Variants in NBPF15 observed in about 807,000 individuals in gnomAD.
The protein encoded by NBPF15 is NBPF member 15.
NBPF15 carries 74 observed loss-of-function variants against 62.2 expected under a neutral mutation model. That is an observed-to-expected ratio of 1.19 (90% CI 0.99 to 1.44). The LOEUF is 1.44. NBPF15 is among the 40% of genes most tolerant of loss of function. NBPF15 has a pLI of 0.00. For synonymous variants in NBPF15, 244 were observed against 209.7 expected, an observed-to-expected ratio of 1.16 and a Z score of -1.41; for missense variants, 790 against 550.0, an observed-to-expected ratio of 1.44 and a Z score of -4.36.
At chr1:144,425,199 A>G (rs1668886782) in intron 19 of NBPF15, among the ~76,000 whole-genome samples, 1 of 131,884 alleles carries the variant, frequency 7.6e-6, no homozygotes, top group Admixed American at 7.6e-5. Flanking sequence ...TAGTGCCCTC[A>G]GGACACACAG....
chr1:144,423,227 T>A lies in NBPF15; in HGVS notation c.1799A>T (p.Glu600Val), dbSNP rs782757337. ...CAGTGAGTCCTGTAAGACTTCAGGCTCTTCCACTTCCATCAGCACGCCGTA... is the reference window on the plus strand; with the variant it reads ...CAGTGAGTCCTGTAAGACTTCAGGCACTTCCACTTCCATCAGCACGCCGTA... ...RLYGVLMEVE[E>V]PEVLQDSLDR... Residue 600 changes from glutamate to valine, a missense_variant, in exon 22 of 22, where the codon GAG becomes GTG. Transcript: ENST00000581897. 2 of 1,611,538 alleles carry A rather than the reference T, an allele frequency of 1.2e-6. No homozygotes were observed. Among genetic ancestry groups the A allele is most frequent in the South Asian group, 1.1e-5 (1 of 90,962 alleles).
chr1:144,455,361 A>G (rs587631145), intron 4 of NBPF15, among the ~76,000 whole-genome samples: 2 of 152,122 alleles, frequency 1.3e-5, no homozygotes, highest in East Asian at 3.9e-4. Context: ...CACCACCAGT[A>G]TTTCCCATTA....
chr1:144,450,582 C>T (rs1553545240), intron 5 of NBPF15, among the ~76,000 whole-genome samples, 190 bp downstream of exon 5: 1 of 150,590 alleles, frequency 6.6e-6, no homozygotes, highest in East Asian at 1.9e-4. Context: ...CCGGCCACTT[C>T]ATTCCAGACT....
At position 144,439,216 on chromosome 1, in the gene NBPF15, T is replaced by A. The variant is rs1681017569; in HGVS notation, c.175+613A>T. On this transcript the variant is annotated intron_variant, in intron 8 of 21. Transcript: ENST00000581897. Reference sequence around the variant, plus strand: ...CCAGGCTGGTCTCAAACTCCTGACCTCATGATCTGCCCGCCTCAGCCTCCC... The same window carrying A: ...CCAGGCTGGTCTCAAACTCCTGACCACATGATCTGCCCGCCTCAGCCTCCC... Among the ~76,000 whole-genome samples, 2 of 151,792 alleles carry A rather than the reference T, an allele frequency of 1.3e-5. 1 individual carries two copies. Among genetic ancestry groups the A allele is most frequent in the African/African-American group, 4.8e-5 (2 of 41,262 alleles).
chr1:144,442,859 G>T (rs587634588), intron 6 of NBPF15: 7 of 210,844 alleles, frequency 3.3e-5, no homozygotes, highest in African/African-American at 1.4e-4. Flanking sequence ...CATATGAAGA[G>T]CATCGGTGGA....
chr1:144,438,438 A>T (rs1234970192), intron 8 of NBPF15, among the ~76,000 whole-genome samples: 4 of 151,996 alleles, frequency 2.6e-5, no homozygotes, highest in Non-Finnish European at 5.9e-5. Flanking sequence ...GGCCCCTAGG[A>T]CTATGGGACT....
chr1:144,434,767 G>A (rs1676967514), intron 12 of NBPF15, among the ~76,000 whole-genome samples: 1 of 151,868 alleles, frequency 6.6e-6, no homozygotes, highest in Non-Finnish European at 1.5e-5. Context: ...CCTTAAACAG[G>A]CATAGAAACT....
At chr1:144,453,462 GA>G (rs1247981399) in intron 4 of NBPF15, among the ~76,000 whole-genome samples, 7 of 149,560 alleles carry the variant, frequency 4.7e-5, no homozygotes, top group Middle Eastern at 3.5e-3. Flanking sequence ...ATCTACTAAT[GA>G]AAAAAAAATT....
chr1:144,437,198 C>T (rs1227745358), intron 9 of NBPF15, 89 bp from the exon 10 acceptor site: 7 of 1,270,012 alleles, frequency 5.5e-6, no homozygotes, highest in Middle Eastern at 5.3e-4. Flanking sequence ...AGACAATGTC[C>T]TCAAGGAGAC....
intron 15 of NBPF15, among the ~76,000 whole-genome samples, chr1:144,428,351 A>C (rs1271832358): frequency 6.6e-6 from 1 of 151,960 alleles, no homozygotes; most frequent in Non-Finnish European, 1.5e-5. Context: ...AATGTGCTCA[A>C]GTTTCCCTGC....
intron 1 of NBPF15, among the ~76,000 whole-genome samples, 156 bp downstream of exon 1, chr1:144,461,225 G>C (rs587662564): frequency 6.6e-6 from 1 of 152,164 alleles, no homozygotes; most frequent in Non-Finnish European, 1.5e-5. Context: ...GGCGGCAGCG[G>C]CAAGCGAGGA....
chr1:144,428,065 C>T (rs1161841455), intron 15 of NBPF15, 75 bp from the exon 16 acceptor site: 17 of 783,232 alleles, frequency 2.2e-5, no homozygotes, highest in African/African-American at 8.5e-5. Flanking sequence ...GATTTCATGG[C>T]TAACATAAGG....
In NBPF15 at chr1:144,427,063, C is replaced by T. The variant is rs1670269946; in HGVS notation, c.1249G>A (p.Asp417Asn). The change falls in exon 17 of 22, where the codon GAC becomes AAC. Residue 417 changes from aspartate to asparagine, a missense_variant. Asp to Asn is a conservative substitution (Grantham distance 23). Coordinates refer to ENST00000581897, the MANE Select transcript of NBPF15 (RefSeq NM_001385408.1). ...EKYQEVEEDQDPSCPRLSREL... is the reference protein window; with the variant it reads ...EKYQEVEEDQNPSCPRLSREL... ...CAAAGTTACCTGGGGCATGATGGGTCTTGGTCTTCTTCCACTTCTTGGTAC... is the reference window on the plus strand; with the variant it reads ...CAAAGTTACCTGGGGCATGATGGGTTTTGGTCTTCTTCCACTTCTTGGTAC... 1.4e-6 allele frequency: 1 copy of T among 708,188 alleles called. No homozygotes were observed. The highest frequency in any genetic ancestry group is 2.1e-5 in the Admixed American group (1 of 48,066). The allele number at this position is 708,188 out of a possible 1,614,324, so 43.9% of individuals were successfully genotyped here. A position where few individuals can be genotyped will look rare whatever the true frequency, so the allele number is the denominator to read the frequency against.
At position 144,456,549 on chromosome 1, in the gene NBPF15, G is replaced by A. The variant is rs1384007937; in HGVS notation, c.-444C>T. On this transcript the variant is annotated 5_prime_UTR_variant, in exon 4 of 22. Transcript: ENST00000581897. ...TCAGGGTTTTTACCTGTGGGATCTGGCAGCTCTTCATTCAGCCCACACCGT... is the reference window on the plus strand; with the variant it reads ...TCAGGGTTTTTACCTGTGGGATCTGACAGCTCTTCATTCAGCCCACACCGT... 14 of 1,442,372 alleles carry A rather than the reference G, an allele frequency of 9.7e-6. No individual in the cohort carries two copies. The highest frequency in any genetic ancestry group is 1.4e-5 in the African/African-American group (1 of 69,678). The allele number at this position is 1,442,372 out of a possible 1,614,324, so 89.3% of individuals were successfully genotyped here.
At chr1:144,452,425 A>G (rs1341342538) in intron 4 of NBPF15, among the ~76,000 whole-genome samples, 6 of 151,716 alleles carry the variant, frequency 4.0e-5, no homozygotes, top group African/African-American at 1.5e-4. Flanking sequence ...TCCACTATAT[A>G]AAGTCCCAAA....
intron 6 of NBPF15, among the ~76,000 whole-genome samples, chr1:144,444,174 T>A (rs1341686620): frequency 1.3e-5 from 2 of 150,944 alleles, no homozygotes; most frequent in African/African-American, 4.9e-5. Context: ...GAAACTATCA[T>A]GAACATCCAT....
At chr1:144,442,673 C>G (rs1684442639) in intron 6 of NBPF15, 1 of 156,720 alleles carries the variant, frequency 6.4e-6, no homozygotes, top group African/African-American at 2.4e-5. Flanking sequence ...GACCCACCTT[C>G]CATCTGGGCC....
rs587751602 is a variant in NBPF15, at chr1:144,457,953, G to A, written c.-700-1148C>T. On this transcript the variant is annotated intron_variant, in intron 3 of 21. Transcript: ENST00000581897. ...AAATAGAAAATTAGCCGGGCATAGTGGTGCATGCCTGTAGACCCAGCTACT... is the reference window on the plus strand; with the variant it reads ...AAATAGAAAATTAGCCGGGCATAGTAGTGCATGCCTGTAGACCCAGCTACT... 7.9e-5 allele frequency among the ~76,000 whole-genome samples: 12 copies of A among 151,892 alleles called. 1 individual carries two copies. The East Asian group carries it at 2.3e-3, about 29-fold the overall frequency.
rs1267264482 is a variant in NBPF15, at chr1:144,451,262, A to C, written c.-431-392T>G. On this transcript the variant is annotated intron_variant, in intron 4 of 21. Coordinates refer to ENST00000581897, the MANE Select transcript of NBPF15 (RefSeq NM_001385408.1). Reference sequence around the variant, plus strand: ...TGCCTTAAAGAGCAGTATTGCTGCCAGCATGTCCCACCTCCAGTCCTAAGG... The same window carrying C: ...TGCCTTAAAGAGCAGTATTGCTGCCCGCATGTCCCACCTCCAGTCCTAAGG... Among the ~76,000 whole-genome samples, 9 of 151,988 alleles carry C rather than the reference A, an allele frequency of 5.9e-5. 1 individual carries two copies. The highest frequency in any genetic ancestry group is 1.3e-4 in the Non-Finnish European group (9 of 67,974).
Sources: gnomAD v4.1 joint callset for allele counts (sites outside exome capture counted in the v4.1 genomes callset) on GRCh38, gnomAD v4.1.1 for gene constraint, MANE v1.5 for transcripts, NCBI Gene and HGNC (gene_info 2026-07-23, HGNC 2026-07-21) for gene names.